Variants in IL16 observed in about 807,000 individuals in gnomAD.
IL16 encodes the protein interleukin 16.
A neutral mutation model predicts 110.1 loss-of-function variants in IL16; 67 were observed. The ratio of observed to expected loss-of-function variants is 0.61; its 90% confidence interval spans 0.50 to 0.75. IL16 has a LOEUF of 0.75. IL16 is among the 30% of genes least tolerant of loss of function. The pLI is 0.00. For synonymous variants in IL16, 689 were observed against 662.9 expected, an observed-to-expected ratio of 1.04 and a Z score of -0.61; for missense variants, 1,545 against 1,655.0, an observed-to-expected ratio of 0.93 and a Z score of 1.15.
chr15:81,288,564 G>C lies in IL16; in HGVS notation c.1333-1889G>C, dbSNP rs4778635. ...CAACCATTGCCACCATCCGTCTCCA[G>C]AACTCTTTCCATCTTTCAGAATTTA... On this transcript the variant is annotated intron_variant, in intron 10 of 18. Transcript: ENST00000683961. Among the ~76,000 whole-genome samples the C allele has an allele frequency of 5.1e-3, 781 of 152,268 alleles. 1 individual carries two copies. Among genetic ancestry groups the C allele is most frequent in the Middle Eastern group, 0.017 (5 of 294 alleles).
chr15:81,299,491 A>G lies in IL16; in HGVS notation c.2165A>G (p.Lys722Arg), dbSNP rs771808645. 3 of 1,614,094 alleles carry G rather than the reference A, an allele frequency of 1.9e-6. No individual in the cohort carries two copies. The highest frequency in any genetic ancestry group is 1.7e-6 in the Non-Finnish European group (2 of 1,180,044). The change falls in exon 14 of 19, where the codon AAA (lysine) becomes AGA (arginine). Residue 722 changes from lysine to arginine, a missense_variant. By Grantham distance (26) the Lys-to-Arg change is conservative (BLOSUM62 2). Transcript: ENST00000683961. Reference sequence around the variant, plus strand: ...TGGGTTAGGATTTCTGACTGCATCAAAAACTTATTTAGCCCCATCATGAGT... The same window carrying G: ...TGGGTTAGGATTTCTGACTGCATCAGAAACTTATTTAGCCCCATCATGAGT... Reference protein sequence around the residue: ...DPWVRISDCIKNLFSPIMSEN... With the variant: ...DPWVRISDCIRNLFSPIMSEN...
intron 2 of IL16, among the ~76,000 whole-genome samples, chr15:81,236,210 G>A (rs562878512): frequency 4.3e-4 from 66 of 152,374 alleles, no homozygotes; most frequent in African/African-American, 1.5e-3. Flanking sequence ...TCCTTCAGCA[G>A]ACAAAATCCT....
intron 1 of IL16, among the ~76,000 whole-genome samples, chr15:81,184,703 G>A (rs1309546678): frequency 6.6e-6 from 1 of 152,204 alleles, no homozygotes; most frequent in Non-Finnish European, 1.5e-5. Flanking sequence ...CTCTGAGTTA[G>A]GCTGTTAGAA....
intron 10 of IL16, chr15:81,290,073 G>T (rs561673205): frequency 6.3e-6 from 2 of 317,594 alleles, no homozygotes; most frequent in East Asian, 1.6e-4. Context: ...CAGTATAATA[G>T]TGATTGTGAT....
At chr15:81,219,885 C>A (rs1896556972) in intron 1 of IL16, among the ~76,000 whole-genome samples, 1 of 152,144 alleles carries the variant, frequency 6.6e-6, no homozygotes, top group African/African-American at 2.4e-5. Context: ...TGCAAATGCC[C>A]CTTCTTTGTG....
At chr15:81,247,046 TTTTA>T (rs1267063893) in intron 2 of IL16, among the ~76,000 whole-genome samples, 1 of 150,962 alleles carries the variant, frequency 6.6e-6, no homozygotes, top group African/African-American at 2.4e-5. Flanking sequence ...TCAACCCTCA[TTTTA>T]TTTGTGTTTT....
In IL16 at chr15:81,303,669, G is replaced by A. The variant is rs376111515; in HGVS notation, c.3420+19G>A. ...GATTACGGTGAGTGGCCAAGTGAAG[G>A]GGCATGTCACAGCCAGAGGCAATGG... On this transcript the variant is annotated intron_variant, in intron 16 of 18. Coordinates refer to ENST00000683961, the MANE Select transcript of IL16 (RefSeq NM_172217.5). The surrounding 1 kb of genome is among the most constrained non-coding windows in gnomAD (Gnocchi z 4.1). The A allele has an allele frequency of 4.0e-6, 6 of 1,517,384 alleles. No homozygotes were observed. In the Admixed American group the frequency reaches 1.0e-4, roughly 25 times the overall value. 94.0% of individuals were successfully genotyped at this position (1,517,384 alleles called of 1,614,324 possible).
At chr15:81,248,719 C>CTTTTTTT (rs61480285) in intron 2 of IL16, among the ~76,000 whole-genome samples, 39 of 112,220 alleles carry the variant, frequency 3.5e-4, no homozygotes, top group Non-Finnish European at 4.9e-4. Flanking sequence ...TTCTTTCTTT[C>CTTTTTTT]TTTTTTTTTT....
At chr15:81,190,011 G>A (rs1277453952) in intron 1 of IL16, among the ~76,000 whole-genome samples, 2 of 152,158 alleles carry the variant, frequency 1.3e-5, no homozygotes, top group African/African-American at 2.4e-5. Flanking sequence ...CATCCACCTC[G>A]AACTCCACCC....
At chr15:81,232,855 T>G (rs563120964) in intron 2 of IL16, among the ~76,000 whole-genome samples, 1 of 152,340 alleles carries the variant, frequency 6.6e-6, no homozygotes, top group African/African-American at 2.4e-5. Context: ...GTTTTCAAAC[T>G]ATGGGTATTT....
chr15:81,293,031 T>C lies in IL16; in HGVS notation c.1896T>C (p.Cys632=). 2 of 1,604,622 alleles carry C rather than the reference T, an allele frequency of 1.2e-6. No homozygotes were observed. Among genetic ancestry groups the C allele is most frequent in the African/African-American group, 1.3e-5 (1 of 74,786 alleles). The change falls in exon 12 of 19, where the codon TGT becomes TGC. Residue 632 remains cysteine (C), a synonymous_variant. Coordinates refer to ENST00000683961, the MANE Select transcript of IL16 (RefSeq NM_172217.5). ...SCSSGHTPPT[C]GQEARELLPL... is the part of the protein sequence containing the mutation. The stretch of plus-strand genomic sequence containing the variant: ...CTTCTGGGCACACCCCACCCACCTG[T>C]GGCCAGGTAAGAGGATGGGTCCACA...
chr15:81,292,635 T>C lies in IL16; in HGVS notation c.1500T>C (p.His500=). 1 of 1,611,990 alleles carries C rather than the reference T, an allele frequency of 6.2e-7. No homozygotes were observed. Among genetic ancestry groups the C allele is most frequent in the East Asian group, 2.2e-5 (1 of 44,798 alleles). ...GAGAGAAGAACTCAGCACCCCCGCATCGCAGGGCTCAGAAGGTCATGATCC... is the reference window on the plus strand; with the variant it reads ...GAGAGAAGAACTCAGCACCCCCGCACCGCAGGGCTCAGAAGGTCATGATCC... The part of the protein sequence containing the change: ...KEREKNSAPP[H]RRAQKVMIRS... The change falls in exon 12 of 19, where the codon CAT becomes CAC. Residue 500 remains histidine, a synonymous_variant. Coordinates refer to ENST00000683961, the MANE Select transcript of IL16 (RefSeq NM_172217.5).
chr15:81,208,648 A>G (rs187794415), intron 1 of IL16, among the ~76,000 whole-genome samples: 157 of 152,350 alleles, frequency 1.0e-3, no homozygotes, highest in African/African-American at 3.6e-3. Flanking sequence ...GGTTTTAAAA[A>G]TGTTTTTGCA....
chr15:81,265,569 T>C lies in IL16; in HGVS notation c.422-90T>C, dbSNP rs971262553. On this transcript the variant is annotated intron_variant, in intron 3 of 18. Coordinates refer to ENST00000683961, the MANE Select transcript of IL16 (RefSeq NM_172217.5). ...AGTGGTTTACAGTCACACTGGCCCC[T>C]GGCTAATGAGGGGCTGATATTGTTC... 8.9e-6 allele frequency: 13 copies of C among 1,452,652 alleles called. No homozygotes were observed. The East Asian group carries it at 2.8e-4, about 31-fold the overall frequency. The allele number at this position is 1,452,652 out of a possible 1,614,324, so 90.0% of individuals were successfully genotyped here. A position where few individuals can be genotyped will look rare whatever the true frequency, so the allele number is the denominator to read the frequency against.
At chr15:81,289,875 TG>T (rs1899627245) in intron 10 of IL16, 1 of 438,916 alleles carries the variant, frequency 2.3e-6, no homozygotes, top group Non-Finnish European at 4.5e-6. Flanking sequence ...CATTTTGAAG[TG>T]GGTTTTATTA....
rs542651226 is a variant in IL16, at chr15:81,294,811, A to G, written c.1902+1774A>G. On this transcript the variant is annotated intron_variant, in intron 12 of 18. Coordinates refer to ENST00000683961, the MANE Select transcript of IL16 (RefSeq NM_172217.5). Reference sequence around the variant, plus strand: ...ATCATAGCACGCAATAGAAAACAGGAAGCAATTTGCTTGAGGTCACTCTCA... The same window carrying G: ...ATCATAGCACGCAATAGAAAACAGGGAGCAATTTGCTTGAGGTCACTCTCA... Among the ~76,000 whole-genome samples, 21 of 152,266 alleles carry G rather than the reference A, an allele frequency of 1.4e-4. No individual in the cohort carries two copies. In the South Asian group the frequency reaches 2.1e-3, roughly 15 times the overall value.
At chr15:81,259,901 T>A (rs1222729365) in intron 3 of IL16, 21 bp downstream of exon 3, 1 of 1,443,332 alleles carries the variant, frequency 6.9e-7, no homozygotes, top group Non-Finnish European at 9.8e-7. Flanking sequence ...TCCCAACATG[T>A]CTTCAGGAAC....
chr15:81,231,329 T>C (rs1423607899), intron 2 of IL16, among the ~76,000 whole-genome samples: 3 of 87,626 alleles, frequency 3.4e-5, no homozygotes, highest in South Asian at 3.9e-4. Flanking sequence ...GGTCTGTCTC[T>C]CTCTCTCTCT....
chr15:81,286,915 A>G (rs1567037527), intron 10 of IL16, among the ~76,000 whole-genome samples: 1 of 152,198 alleles, frequency 6.6e-6, no homozygotes, highest in Non-Finnish European at 1.5e-5. Context: ...GATGGCAGAC[A>G]AGAGAGAATA....
Sources: allele counts gnomAD v4.1 joint callset (sites outside exome capture counted in the v4.1 genomes callset), GRCh38; gene constraint gnomAD v4.1.1; non-coding constraint Gnocchi (gnomAD v3.1); transcripts MANE v1.5; gene names NCBI Gene and HGNC (gene_info 2026-07-23, HGNC 2026-07-21).